The following CRB1 variants were observed in gnomAD, a reference collection of about 807,000 sequenced individuals.
The protein encoded by CRB1 is protein crumbs homolog 1.
In CRB1, 83 loss-of-function variants were observed where a neutral mutation model predicts 120.0. The ratio of observed to expected loss-of-function variants is 0.69; its 90% CI spans 0.58 to 0.83. The LOEUF (loss-of-function observed/expected upper bound fraction) is 0.83. Among genes scored for constraint, CRB1 ranks in the 40% least tolerant of loss-of-function variants. The pLI, the probability that CRB1 is intolerant of heterozygous loss-of-function variation, is 0.00. For synonymous variants in CRB1, 625 were observed against 612.5 expected (o/e 1.02, Z -0.30); for missense variants, 1,699 against 1,687.6 (o/e 1.01, Z -0.12).
intron 10 of CRB1, chr1:197,439,551 A>G (rs1343660388): frequency 1.3e-5 from 2 of 152,120 alleles, no homozygotes; most frequent in Non-Finnish European, 2.9e-5. Context: ...CTGCTCTTCT[A>G]TTTGATGTGC....
intron 1 of CRB1, among the ~76,000 whole-genome samples, chr1:197,271,083 C>T (rs898558793): frequency 6.6e-6 from 1 of 152,052 alleles, no homozygotes; most frequent in Admixed American, 6.6e-5. Flanking sequence ...CCTGTAGTCT[C>T]AGCTACTCAG....
intron 11 of CRB1, among the ~76,000 whole-genome samples, chr1:197,450,957 CAAAAAAA>C (rs11288525): frequency 1.1e-4 from 6 of 56,630 alleles, no homozygotes; most frequent in Non-Finnish European, 1.2e-4. Flanking sequence ...GACTCCGTCC[CAAAAAAA>C]AAAAAAAAAA....
At chr1:197,376,641 A>G (rs896018149) in intron 5 of CRB1, among the ~76,000 whole-genome samples, 3 of 151,864 alleles carry the variant, frequency 2.0e-5, no homozygotes, top group Non-Finnish European at 4.4e-5. Flanking sequence ...TACCATTTCT[A>G]CTCTAGACCA....
In CRB1 at chr1:197,344,356, T is replaced by C; in HGVS notation, c.728T>C (p.Leu243Pro). 3 of 1,614,166 alleles carry C rather than the reference T, an allele frequency of 1.9e-6. No homozygotes were observed. The highest frequency in any genetic ancestry group is 2.5e-6 in the Non-Finnish European group (3 of 1,179,980). ...CLNGATCQDA[L>P]GAYFCDCAPG... ...AATGGTGCAACTTGTCAGGATGCTC[T>C]GGGGGCCTATTTCTGCGACTGTGCC... is the stretch of plus-strand genomic sequence containing the variant. The change falls in exon 3 of 12, where the codon CTG (leucine) becomes CCG (proline). Residue 243 changes from leucine to proline, a missense_variant. Transcript: ENST00000367400.
chr1:197,321,186 G>A (rs1171010038), intron 1 of CRB1, among the ~76,000 whole-genome samples: 2 of 152,146 alleles, frequency 1.3e-5, no homozygotes, highest in African/African-American at 2.4e-5. Flanking sequence ...CATGAGCTGA[G>A]GCATGTCTGT....
intron 2 of CRB1, among the ~76,000 whole-genome samples, chr1:197,343,916 T>A (rs985728755): frequency 6.6e-6 from 1 of 152,226 alleles, no homozygotes; most frequent in Non-Finnish European, 1.5e-5. Context: ...TTACCCACTG[T>A]TCTCTCTGCT....
Position 197,435,256 on chromosome 1 carries a change from T to C in CRB1, c.3393T>C (p.Asn1131=), listed in dbSNP as rs150559394. ...QEEQFLKIST[N]SVVTGCLQLN... ...AGCAATTTCTCAAAATCTCTACCAA[T>C]TCAGTGGTCACTGGCTGTTTGCAGT... The change falls in exon 9 of 12, where the codon AAT becomes AAC. Residue 1131 remains asparagine (N), a synonymous_variant. Coordinates refer to ENST00000367400, the MANE Select transcript of CRB1 (RefSeq NM_201253.3). 50 of 1,613,922 alleles carry C rather than the reference T, an allele frequency of 3.1e-5. No homozygotes were observed. In the African/African-American group the frequency reaches 5.9e-4, roughly 19 times the overall value.
At chr1:197,297,414 G>T (rs1408059167) in intron 1 of CRB1, among the ~76,000 whole-genome samples, 1 of 152,026 alleles carries the variant, frequency 6.6e-6, no homozygotes, top group African/African-American at 2.4e-5. Flanking sequence ...CGATGAACCT[G>T]AGGATTCTGG....
At chr1:197,348,324 G>A (rs1027407371) in intron 4 of CRB1, among the ~76,000 whole-genome samples, 1 of 152,188 alleles carries the variant, frequency 6.6e-6, no homozygotes, top group African/African-American at 2.4e-5. Context: ...AGTGGGACAA[G>A]ATGTGGAGGT....
chr1:197,303,513 C>G (rs1475677497), intron 1 of CRB1, among the ~76,000 whole-genome samples: 1 of 151,914 alleles, frequency 6.6e-6, no homozygotes, highest in Non-Finnish European at 1.5e-5. Flanking sequence ...ATGACTGTAT[C>G]TAGCTTTTGA....
rs778903526 is a variant in CRB1, at chr1:197,328,655, T to C, written c.304T>C (p.Tyr102His). ...RSFLCKCPPG[Y>H]SGTICETTIG... Reference sequence around the variant, plus strand: ...CTTTCTGTGCAAATGTCCTCCTGGGTACAGTGGGACAATCTGTGAAACTAC... The same window carrying C: ...CTTTCTGTGCAAATGTCCTCCTGGGCACAGTGGGACAATCTGTGAAACTAC... Residue 102 changes from tyrosine to histidine, a missense_variant, in exon 2 of 12, where the codon TAC becomes CAC. Tyr to His is a moderately conservative substitution (Grantham distance 83). Transcript: ENST00000367400. 2 of 1,614,066 alleles carry C rather than the reference T, an allele frequency of 1.2e-6. No individual in the cohort carries two copies. The highest frequency in any genetic ancestry group is 2.2e-5 in the East Asian group (1 of 44,878).
intron 11 of CRB1, chr1:197,442,568 G>A (rs1174731560): frequency 5.0e-6 from 7 of 1,407,358 alleles, no homozygotes; most frequent in Non-Finnish European, 6.5e-6. Flanking sequence ...CATATCAGAA[G>A]CACTTTGTCT....
Position 197,328,452 on chromosome 1 carries a change from G to T in CRB1, c.101G>T (p.Cys34Phe). The change falls in exon 2 of 12, where the codon TGC becomes TTC. Residue 34 changes from cysteine to phenylalanine, a missense_variant. Cys to Phe is a radical substitution (Grantham distance 205, BLOSUM62 -2). Transcript: ENST00000367400. The stretch of plus-strand genomic sequence containing the variant: ...TTTTGCAATAAAAACAACACCAGGT[G>T]CCTCTCAAATTCTTGCCAAAACAAT... Reference protein sequence around the residue: ...NSFCNKNNTRCLSNSCQNNST... With the variant: ...NSFCNKNNTRFLSNSCQNNST... 1 of 1,613,960 alleles carries T rather than the reference G, an allele frequency of 6.2e-7. No homozygotes were observed.
chr1:197,254,076 A>G, the CRB1 span, among the ~76,000 whole-genome samples: 1 of 152,058 alleles, frequency 6.6e-6, no homozygotes, highest in Non-Finnish European at 1.5e-5. Flanking sequence ...TAATTCATAC[A>G]TCTCTTCTCC....
the CRB1 span, among the ~76,000 whole-genome samples, chr1:197,240,151 T>C: frequency 6.6e-6 from 1 of 152,172 alleles, no homozygotes; most frequent in Admixed American, 6.6e-5. Flanking sequence ...CTTGTATTTT[T>C]GCTTACCATG....
At chr1:197,221,708 A>T in the CRB1 span, among the ~76,000 whole-genome samples, 1 of 152,134 alleles carries the variant, frequency 6.6e-6, no homozygotes. Flanking sequence ...TTAAAAAAAA[A>T]TAATAAAGAG....
chr1:197,208,134 T>C, the CRB1 span, among the ~76,000 whole-genome samples: 1 of 152,186 alleles, frequency 6.6e-6, no homozygotes, highest in Non-Finnish European at 1.5e-5. Flanking sequence ...CTTGTATCTG[T>C]TTTTATAATT....
intron 5 of CRB1, among the ~76,000 whole-genome samples, chr1:197,374,083 T>A (rs1661516003): frequency 6.6e-6 from 1 of 152,146 alleles, no homozygotes; most frequent in Non-Finnish European, 1.5e-5. Context: ...TCTCCTTTGG[T>A]ATGCAGTTTC....
intron 1 of CRB1, among the ~76,000 whole-genome samples, chr1:197,325,534 T>A (rs1488015117): frequency 2.0e-5 from 3 of 152,204 alleles, no homozygotes; most frequent in East Asian, 1.9e-4. Context: ...TATAGATAAC[T>A]ATAGAATTAA....
Sources: gnomAD v4.1 joint callset for allele counts (sites outside exome capture counted in the v4.1 genomes callset) on GRCh38, gnomAD v4.1.1 for gene constraint, MANE v1.5 for transcripts, NCBI Gene and HGNC (gene_info 2026-07-23, HGNC 2026-07-21) for gene names.